The following PWWP3B variants were observed in gnomAD, a reference collection of about 807,000 sequenced individuals.
PWWP3B encodes PWWP domain containing 3B, also known as PWWP domain-containing DNA repair factor 3B.
A neutral mutation model predicts 15.7 loss-of-function variants in PWWP3B; 5 were observed. That is an observed-to-expected ratio of 0.32 (90% CI 0.17 to 0.67). The LOEUF (loss-of-function observed/expected upper bound fraction) is 0.67, where lower values mean the gene tolerates loss of function less well. Ranked by LOEUF, PWWP3B falls within the 30% of genes least tolerant of loss-of-function variation. The probability of loss-of-function intolerance (pLI) is 0.74; values close to 1 mark genes in which losing one functional copy is unlikely to be tolerated. For synonymous variants in PWWP3B, 203 were observed against 179.8 expected (o/e 1.13, Z -1.03); for missense variants, 519 against 493.1 (o/e 1.05, Z -0.50).
chrX:106,201,371 C>T (rs1023123627), intron 2 of PWWP3B, among the ~76,000 whole-genome samples: 3 of 112,333 alleles, frequency 2.7e-5, no homozygotes, highest in African/African-American at 9.7e-5. Context: ...ATGGACTTGA[C>T]CAGCTGGGTT....
At chrX:106,181,762 G>A (rs1236913047) in intron 2 of PWWP3B, among the ~76,000 whole-genome samples, 2 of 111,915 alleles carry the variant, frequency 1.8e-5, no homozygotes, top group Non-Finnish European at 3.8e-5. Flanking sequence ...GGGCCGGCAG[G>A]TCGGTCCATG....
At chrX:106,190,111 A>T (rs1424807772) in intron 2 of PWWP3B, among the ~76,000 whole-genome samples, 1 of 111,319 alleles carries the variant, frequency 9.0e-6, no homozygotes, top group East Asian at 2.8e-4. Flanking sequence ...TCCCTGAGGA[A>T]TCGCCACACT....
chrX:106,206,815 T>G lies in PWWP3B; in HGVS notation c.1383T>G (p.Asp461Glu). 1 of 1,211,315 alleles carries G rather than the reference T, an allele frequency of 8.3e-7. No homozygotes were observed. Among genetic ancestry groups the G allele is most frequent in the Non-Finnish European group, 1.1e-6 (1 of 895,022 alleles). Residue 461 changes from aspartate to glutamate, a missense_variant, in exon 4 of 4, where the codon GAT becomes GAG. Asp to Glu is a conservative substitution (Grantham distance 45, BLOSUM62 2). Coordinates refer to ENST00000357175, the MANE Select transcript of PWWP3B (RefSeq NM_001171020.2). ...TGCTAGTGGACAAAGCCAGGGAGGA[T>G]TATAGTGAGAGTATTGACTGGTGCA... ...KQMLVDKARE[D>E]YSESIDWCIS...
rs1178928745 is a variant in PWWP3B at position 106,205,303 on chromosome X, AC to A, written c.-127del. 2.7e-5 allele frequency: 17 copies of A among 626,633 alleles called. No individual in the cohort carries two copies. Among genetic ancestry groups the A allele is most frequent in the Non-Finnish European group, 3.7e-5 (16 of 430,052 alleles). 51.6% of individuals were successfully genotyped at this position (626,633 alleles called of 1,213,427 possible). On this transcript the variant is annotated 5_prime_UTR_variant, in exon 4 of 4. Transcript: ENST00000357175. ...GGAGAACAGGCCACACAAGCTGTAA[AC>A]CCTTTGTAGTCATAAGACGAAAGAG...
chrX:106,205,335 G>A lies in PWWP3B; in HGVS notation c.-98G>A, dbSNP rs751353084. ...GTAGTCATAAGACGAAAGAGGATTT[G>A]TTAAGAGTATTGTTTTGGGTAGAAC... On this transcript the variant is annotated 5_prime_UTR_variant, in exon 4 of 4. Coordinates refer to ENST00000357175, the MANE Select transcript of PWWP3B (RefSeq NM_001171020.2). 5 of 818,034 alleles carry A rather than the reference G, an allele frequency of 6.1e-6. No homozygotes were observed. The highest frequency in any genetic ancestry group is 3.2e-4 in the Middle Eastern group (1 of 3,150). 67.4% of individuals were successfully genotyped at this position (818,034 alleles called of 1,213,427 possible).
At chrX:106,190,167 A>T (rs1217818081) in intron 2 of PWWP3B, among the ~76,000 whole-genome samples, 5 of 111,458 alleles carry the variant, frequency 4.5e-5, no homozygotes, top group African/African-American at 1.6e-4. Flanking sequence ...CCAACAGTGT[A>T]AAAGTGTTCC....
At chrX:106,186,376 G>T (rs1483030592) in intron 2 of PWWP3B, among the ~76,000 whole-genome samples, 1 of 111,377 alleles carries the variant, frequency 9.0e-6, no homozygotes, top group Non-Finnish European at 1.9e-5. Context: ...TTGTTAGAGA[G>T]CCCTTTCCCA....
At chrX:106,190,631 C>A (rs1922870723) in intron 2 of PWWP3B, among the ~76,000 whole-genome samples, 2 of 111,737 alleles carry the variant, frequency 1.8e-5, no homozygotes, top group Non-Finnish European at 3.8e-5. Flanking sequence ...TGCCTATGTC[C>A]TGAATGATAT....
chrX:106,175,925 G>C (rs1161460456), intron 2 of PWWP3B, among the ~76,000 whole-genome samples: 1 of 110,622 alleles, frequency 9.0e-6, no homozygotes, highest in Non-Finnish European at 1.9e-5. Flanking sequence ...GAGGAGTCCC[G>C]ATATATAGCA....
In PWWP3B at chrX:106,207,848, T is replaced by C. The variant is rs781669251; in HGVS notation, c.*325T>C. ...TGAGTCTATGCTGTATTGTTAAATA[T>C]ATTGTGCACAATTATTTTAATGTTA... On this transcript the variant is annotated 3_prime_UTR_variant, in exon 4 of 4. Coordinates refer to ENST00000357175, the MANE Select transcript of PWWP3B (RefSeq NM_001171020.2). 4.8e-4 allele frequency: 79 copies of C among 164,745 alleles called. No individual in the cohort carries two copies. The highest frequency in any genetic ancestry group is 2.2e-3 in the African/African-American group (71 of 32,804). The allele number at this position is 164,745 out of a possible 1,213,427, so 13.6% of individuals were successfully genotyped here.
At chrX:106,194,085 C>T (rs1923201534) in intron 2 of PWWP3B, among the ~76,000 whole-genome samples, 1 of 111,297 alleles carries the variant, frequency 9.0e-6, no homozygotes, top group Non-Finnish European at 1.9e-5. Flanking sequence ...TGAATGTTGG[C>T]CTGCCTTGCT....
At chrX:106,202,258 G>A (rs757589263) in intron 2 of PWWP3B, among the ~76,000 whole-genome samples, 6 of 111,841 alleles carry the variant, frequency 5.4e-5, no homozygotes, top group Admixed American at 9.5e-5. Flanking sequence ...ATATATGCAT[G>A]TATATATGTG....
In PWWP3B at chrX:106,184,492, C is replaced by T. The variant is rs184763140; in HGVS notation, c.-401+13353C>T. Among the ~76,000 whole-genome samples the T allele has an allele frequency of 3.6e-3, 397 of 111,389 alleles. 2 individuals carry two copies. The highest frequency in any genetic ancestry group is 0.011 in the African/African-American group (347 of 30,638). ...CAATTCCAGTCCCCATGATCTGAGTCGAGGTCCCAGTAGGGATCCATTACC... is the reference window on the plus strand; with the variant it reads ...CAATTCCAGTCCCCATGATCTGAGTTGAGGTCCCAGTAGGGATCCATTACC... On this transcript the variant is annotated intron_variant, in intron 2 of 3. Transcript: ENST00000357175.
chrX:106,207,010 G>A lies in PWWP3B; in HGVS notation c.1578G>A (p.Met526Ile), dbSNP rs770202591. The change falls in exon 4 of 4, where the codon ATG (methionine) becomes ATA (isoleucine). Residue 526 changes from methionine to isoleucine, a missense_variant. Physicochemically the swap from Met to Ile is conservative, Grantham distance 10 (BLOSUM62 1). Transcript: ENST00000357175. ...KLHNEDAREP[M>I]AVTSQTKKMS... Reference sequence around the variant, plus strand: ...ATAATGAAGATGCCAGGGAACCGATGGCTGTAACTTCCCAGACCAAGAAAA... The same window carrying A: ...ATAATGAAGATGCCAGGGAACCGATAGCTGTAACTTCCCAGACCAAGAAAA... 28 of 1,208,479 alleles carry A rather than the reference G, an allele frequency of 2.3e-5. No homozygotes were observed. The South Asian group carries it at 5.0e-4, about 21-fold the overall frequency.
intron 2 of PWWP3B, among the ~76,000 whole-genome samples, chrX:106,199,652 C>A (rs904749194): frequency 9.0e-6 from 1 of 111,154 alleles, no homozygotes; most frequent in Non-Finnish European, 1.9e-5. Context: ...GGTTATTTAT[C>A]CCCCTTTAGA....
intron 2 of PWWP3B, among the ~76,000 whole-genome samples, chrX:106,201,009 C>T (rs1923670680): frequency 9.2e-6 from 1 of 108,316 alleles, no homozygotes; most frequent in Non-Finnish European, 1.9e-5. Flanking sequence ...GATCACGCCA[C>T]TGCACTCCAG....
chrX:106,207,362 G>A lies in PWWP3B; in HGVS notation c.1930G>A (p.Ala644Thr). The A allele has an allele frequency of 8.5e-7, 1 of 1,183,185 alleles. No individual in the cohort carries two copies. The change falls in exon 4 of 4, where the codon GCA (alanine) becomes ACA (threonine). Residue 644 changes from alanine (A) to threonine (T), a missense_variant. Physicochemically the swap from Ala to Thr is moderately conservative, Grantham distance 58. Transcript: ENST00000357175. ...KFILEVLLPE[A>T]IICSISAVDG... ...TATCCTAGAAGTTCTTCTGCCAGAAGCAATTATTTGTTCAATTTCTGCTGT... is the reference window on the plus strand; with the variant it reads ...TATCCTAGAAGTTCTTCTGCCAGAAACAATTATTTGTTCAATTTCTGCTGT...
intron 2 of PWWP3B, among the ~76,000 whole-genome samples, chrX:106,186,922 A>G (rs1922548550): frequency 8.9e-6 from 1 of 111,914 alleles, no homozygotes; most frequent in South Asian, 3.7e-4. Flanking sequence ...GTACATTTTT[A>G]CAGAGTGCTG....
At chrX:106,175,889 A>G (rs1373383315) in intron 2 of PWWP3B, among the ~76,000 whole-genome samples, 2 of 111,071 alleles carry the variant, frequency 1.8e-5, no homozygotes, top group Non-Finnish European at 3.8e-5. Context: ...ATTAGTTTTA[A>G]TCTTTATTTT....
Sources: allele counts gnomAD v4.1 joint callset (sites outside exome capture counted in the v4.1 genomes callset), GRCh38; gene constraint gnomAD v4.1.1; transcripts MANE v1.5; gene names NCBI Gene and HGNC (gene_info 2026-07-23, HGNC 2026-07-21).